LDLRAD4: variants seen among roughly 807,000 people sequenced by gnomAD.
LDLRAD4 encodes the protein low density lipoprotein receptor class A domain containing 4.
A neutral mutation model predicts 17.0 loss-of-function variants in LDLRAD4; 5 were observed. The observed-to-expected ratio is 0.29, with a 90% confidence interval of 0.15 to 0.62. LDLRAD4 has a LOEUF of 0.62. Ranked by LOEUF, LDLRAD4 falls within the 20% of genes least tolerant of loss-of-function variation. LDLRAD4 has a pLI of 0.84. For missense variants in LDLRAD4, 340 were observed against 424.7 expected (o/e 0.80, Z 1.75); for synonymous variants, 168 against 171.8 (o/e 0.98, Z 0.17).
chr18:13,643,367 C>T, exon 5 of LDLRAD4: 2 of 1,444,188 alleles, frequency 1.4e-6, no homozygotes, highest in South Asian at 1.5e-5. Flanking sequence ...AGGAAGGGTG[C>T]CTGTGGCCTT....
At chr18:13,444,266 A>G (rs573534946) in intron 3 of LDLRAD4, among the ~76,000 whole-genome samples, 21 of 152,226 alleles carry the variant, frequency 1.4e-4, no homozygotes, top group Non-Finnish European at 2.8e-4. Context: ...TGGATAGCCA[A>G]CTCCCAGGTC....
At chr18:13,321,877 A>C (rs1187584601) in intron 1 of LDLRAD4, among the ~76,000 whole-genome samples, 1 of 34,394 alleles carries the variant, frequency 2.9e-5, no homozygotes, top group Non-Finnish European at 6.4e-5. Flanking sequence ...AAAAAAAAAA[A>C]AAAAAAAAAA....
rs1491536129 is a variant in LDLRAD4 at position 13,610,305 on chromosome 18, T to TTTTTTTTTTTTTTTTTTTTTTTTTTC, written c.182-10812_182-10811insTTTTTTTTTTTTTTTTTTTTTTTTTC. 8.2e-5 allele frequency among the ~76,000 whole-genome samples: 2 copies of TTTTTTTTTTTTTTTTTTTTTTTTTTC among 24,362 alleles called. 1 individual carries two copies. The highest frequency in any genetic ancestry group is 1.7e-4 in the Non-Finnish European group (2 of 11,546). 16.0% of individuals were successfully genotyped at this position (24,362 alleles called of 152,430 possible). A position where few individuals can be genotyped will look rare whatever the true frequency, so the allele number is the denominator to read the frequency against. On this transcript the variant is annotated intron_variant, in intron 3 of 5. Coordinates refer to ENST00000359446, the Ensembl canonical transcript of LDLRAD4. The stretch of plus-strand genomic sequence containing the variant: ...TTTTTTTTTTTTTTTTTTTTTTTTT[T>TTTTTTTTTTTTTTTTTTTTTTTTTTC]GAGACGGAGTCTCACTCTGTCGCCC...
intron 3 of LDLRAD4, among the ~76,000 whole-genome samples, chr18:13,453,983 C>T (rs372880045): frequency 7.9e-5 from 12 of 152,382 alleles, no homozygotes; most frequent in South Asian, 6.2e-4. Flanking sequence ...ATGTTCATTC[C>T]GGCGCTGCCG....
chr18:13,498,748 TGC>T (rs2147232719), intron 3 of LDLRAD4, among the ~76,000 whole-genome samples: 1 of 147,790 alleles, frequency 6.8e-6, no homozygotes. Context: ...AGAATCCTTC[TGC>T]CCACACACAT....
At position 13,440,567 on chromosome 18, in the gene LDLRAD4, C is replaced by T. The variant is rs549609095; in HGVS notation, c.181+2183C>T. 1.1e-3 allele frequency among the ~76,000 whole-genome samples: 170 copies of T among 152,236 alleles called. No homozygotes were observed. The highest frequency in any genetic ancestry group is 1.3e-3 in the Non-Finnish European group (89 of 68,008). Reference sequence around the variant, plus strand: ...CTAAGAAGACTGGAGAGCCAGGAGACGGAATGACAAAGGGCAGGACTGTGG... The same window carrying T: ...CTAAGAAGACTGGAGAGCCAGGAGATGGAATGACAAAGGGCAGGACTGTGG... On this transcript the variant is annotated intron_variant, in intron 3 of 5. Transcript: ENST00000359446. The surrounding 1 kb of genome is among the most constrained non-coding windows in gnomAD (Gnocchi z 4.4).
At chr18:13,276,104 G>A (rs189567069), upstream of LDLRAD4, among the ~76,000 whole-genome samples, 143 of 152,208 alleles carry the variant, frequency 9.4e-4, no homozygotes, top group Middle Eastern at 3.4e-3. Context: ...AGCCTCTTGG[G>A]TTCAAGTGGT....
chr18:13,322,959 T>A (rs2081334861), intron 1 of LDLRAD4, among the ~76,000 whole-genome samples: 1 of 152,304 alleles, frequency 6.6e-6, no homozygotes, highest in Admixed American at 6.5e-5. Context: ...GCTGTACCCC[T>A]TACAGATGGA....
chr18:13,420,621 A>G (rs973632698), intron 2 of LDLRAD4: 28 of 152,212 alleles, frequency 1.8e-4, no homozygotes, highest in Admixed American at 1.2e-3. Flanking sequence ...TCAGGGTTTA[A>G]ACTGGAGACC....
chr18:13,566,838 G>T (rs1171970328), intron 3 of LDLRAD4, among the ~76,000 whole-genome samples: 1 of 152,234 alleles, frequency 6.6e-6, no homozygotes, highest in African/African-American at 2.4e-5. Context: ...TGCCCAAAGG[G>T]TATTAGAGTA....
intron 1 of LDLRAD4, among the ~76,000 whole-genome samples, chr18:13,308,707 G>A (rs1181944788): frequency 1.3e-5 from 2 of 152,254 alleles, no homozygotes; most frequent in African/African-American, 4.8e-5. Flanking sequence ...TGTGGTTGTT[G>A]AACTTTCTCT....
At chr18:13,477,314 G>A (rs1424086888) in intron 3 of LDLRAD4, among the ~76,000 whole-genome samples, 2 of 152,176 alleles carry the variant, frequency 1.3e-5, no homozygotes, top group Non-Finnish European at 2.9e-5. Flanking sequence ...CAAGGAAGGA[G>A]GTCCATGAGG....
chr18:13,494,958 A>T (rs2093436924), intron 3 of LDLRAD4, among the ~76,000 whole-genome samples: 2 of 151,690 alleles, frequency 1.3e-5, no homozygotes, highest in Non-Finnish European at 2.9e-5. Flanking sequence ...GCACAAGCGA[A>T]CCCCGTTTGC....
chr18:13,358,389 G>A (rs773403101), intron 1 of LDLRAD4, among the ~76,000 whole-genome samples: 1 of 151,980 alleles, frequency 6.6e-6, no homozygotes, highest in Non-Finnish European at 1.5e-5. Context: ...AAAAGATTTT[G>A]TGAATGCCTG....
intron 4 of LDLRAD4, 94 bp from the exon 6 acceptor site, chr18:13,643,265 C>T (rs1601890016): frequency 1.2e-6 from 1 of 806,370 alleles, no homozygotes; most frequent in Non-Finnish European, 1.9e-6. Context: ...TCCCCGTTTC[C>T]AGAAGTTGTG....
At chr18:13,275,832 G>A (rs945012386), upstream of LDLRAD4, among the ~76,000 whole-genome samples, 9 of 152,184 alleles carry the variant, frequency 5.9e-5, no homozygotes, top group African/African-American at 1.9e-4. Context: ...GGGATGCCAG[G>A]ATGACGGGGA....
At chr18:13,272,808 TGG>T (rs1362983678) in intron 1 of LDLRAD4, among the ~76,000 whole-genome samples, 1 of 152,224 alleles carries the variant, frequency 6.6e-6, no homozygotes, top group Non-Finnish European at 1.5e-5. Flanking sequence ...TGCTCTTGAC[TGG>T]GGTTACCATG....
intron 1 of LDLRAD4, among the ~76,000 whole-genome samples, chr18:13,303,721 G>A (rs1303453253): frequency 6.6e-6 from 1 of 152,030 alleles, no homozygotes; most frequent in Non-Finnish European, 1.5e-5. Context: ...CACTCCCCAA[G>A]AAAAAGAGAA....
intron 4 of LDLRAD4, among the ~76,000 whole-genome samples, chr18:13,629,069 G>A (rs1207466046): frequency 1.3e-5 from 2 of 152,140 alleles, no homozygotes; most frequent in Non-Finnish European, 2.9e-5. Context: ...TGCCTCAAAC[G>A]ATCTTCCCAC....
Sources: allele counts gnomAD v4.1 joint callset (sites outside exome capture counted in the v4.1 genomes callset), GRCh38; gene constraint gnomAD v4.1.1; non-coding constraint Gnocchi (gnomAD v3.1); transcripts MANE v1.5; gene names NCBI Gene and HGNC (gene_info 2026-07-23, HGNC 2026-07-21).